Variants in RGS6 observed in about 807,000 individuals in gnomAD.
The protein encoded by RGS6 is regulator of G protein signaling 6.
In RGS6, 30 loss-of-function variants were observed where a neutral mutation model predicts 78.5. The ratio of observed to expected loss-of-function variants is 0.38; its 90% CI spans 0.29 to 0.52. RGS6 has a LOEUF of 0.52. Ranked by LOEUF, RGS6 falls within the 20% of genes least tolerant of loss-of-function variation. RGS6 has a pLI of 0.85. For synonymous variants in RGS6, 206 were observed against 206.0 expected (o/e 1.00, Z 0.00); for missense variants, 495 against 609.7 (o/e 0.81, Z 1.98).
chr14:72,220,814 G>A (rs1165862060), intron 2 of RGS6, among the ~76,000 whole-genome samples: 2 of 152,178 alleles, frequency 1.3e-5, no homozygotes, highest in Non-Finnish European at 2.9e-5. Flanking sequence ...CTCTGATTCT[G>A]TGACTTATTG....
rs950843533 is a variant in RGS6 at position 72,563,228 on chromosome 14, G to A, written c.*761G>A. On this transcript the variant is annotated 3_prime_UTR_variant, in exon 18 of 18. Transcript: ENST00000553525. ...ACAGAGCTTTTTGTTTCACAGCTGCGGGGATTCTGCTGACCATCTTTTAGA... is the reference window on the plus strand; with the variant it reads ...ACAGAGCTTTTTGTTTCACAGCTGCAGGGATTCTGCTGACCATCTTTTAGA... The A allele has an allele frequency of 6.7e-5, 11 of 165,190 alleles. No individual in the cohort carries two copies. Among genetic ancestry groups the A allele is most frequent in the East Asian group, 3.3e-4 (2 of 6,072 alleles). 10.2% of individuals were successfully genotyped at this position (165,190 alleles called of 1,614,324 possible).
intron 7 of RGS6, among the ~76,000 whole-genome samples, chr14:72,469,145 T>G (rs2096006429): frequency 2.0e-5 from 3 of 152,216 alleles, no homozygotes; most frequent in Admixed American, 6.5e-5. Context: ...CAATGACTTT[T>G]CTTTCTGTTT....
intron 2 of RGS6, among the ~76,000 whole-genome samples, chr14:72,177,502 T>G (rs1377623503): frequency 3.3e-5 from 5 of 152,134 alleles, no homozygotes; most frequent in African/African-American, 1.2e-4. Context: ...GAATAACTTT[T>G]TACTACATGT....
At chr14:72,400,274 T>TA (rs2092217505) in intron 3 of RGS6, among the ~76,000 whole-genome samples, 1 of 152,328 alleles carries the variant, frequency 6.6e-6, no homozygotes, top group East Asian at 1.9e-4. Flanking sequence ...ACTGATTTTT[T>TA]ACAGATGCCT....
intron 1 of RGS6, among the ~76,000 whole-genome samples, chr14:71,938,519 T>G (rs1324461943): frequency 2.0e-5 from 3 of 152,156 alleles, no homozygotes; most frequent in African/African-American, 7.2e-5. Context: ...GGCCCTAGTC[T>G]TCTCCTCCTC....
intron 2 of RGS6, among the ~76,000 whole-genome samples, chr14:72,083,133 C>T (rs1459298376): frequency 6.6e-6 from 1 of 152,260 alleles, no homozygotes; most frequent in East Asian, 1.9e-4. Flanking sequence ...GAAAACTTGC[C>T]TATAAGGTCT....
intron 3 of RGS6, among the ~76,000 whole-genome samples, chr14:72,426,703 T>G (rs1187264190): frequency 1.3e-5 from 2 of 152,226 alleles, no homozygotes; most frequent in Admixed American, 1.3e-4. Flanking sequence ...TTCCTAAAGT[T>G]TTATGATTTG....
intron 17 of RGS6, among the ~76,000 whole-genome samples, chr14:72,544,746 G>A (rs952766948): frequency 1.3e-5 from 2 of 152,128 alleles, no homozygotes; most frequent in African/African-American, 4.8e-5. Context: ...AGCCTCCCTC[G>A]CCCCCTCCTT....
At chr14:72,583,389 G>A in the RGS6 span, among the ~76,000 whole-genome samples, 29 of 152,326 alleles carry the variant, frequency 1.9e-4, no homozygotes, top group Middle Eastern at 3.4e-3. Context: ...GATGATAGAC[G>A]GATGACAGAT....
chr14:72,128,987 C>T (rs766953963), intron 2 of RGS6, among the ~76,000 whole-genome samples: 9 of 152,180 alleles, frequency 5.9e-5, no homozygotes, highest in Admixed American at 1.3e-4. Flanking sequence ...AATGTCACCT[C>T]TTCAGCAGTT....
intron 2 of RGS6, among the ~76,000 whole-genome samples, chr14:71,982,048 T>C (rs540252087): frequency 6.6e-6 from 1 of 152,246 alleles, no homozygotes; most frequent in African/African-American, 2.4e-5. Flanking sequence ...GACCCGATTT[T>C]CCAGGTGCCC....
intron 3 of RGS6, among the ~76,000 whole-genome samples, chr14:72,387,320 T>C (rs931193850): frequency 1.2e-4 from 18 of 152,066 alleles, no homozygotes; most frequent in East Asian, 9.7e-4. Context: ...GAGGCCAAGG[T>C]GGGCGGATCA....
the RGS6 span, among the ~76,000 whole-genome samples, chr14:72,591,713 G>T: frequency 6.6e-6 from 1 of 152,194 alleles, no homozygotes; most frequent in East Asian, 1.9e-4. Flanking sequence ...GAGGATGCAG[G>T]TACTCTCACC....
chr14:72,260,230 C>G (rs1418111874), intron 2 of RGS6, among the ~76,000 whole-genome samples: 1 of 152,100 alleles, frequency 6.6e-6, no homozygotes, highest in Non-Finnish European at 1.5e-5. Context: ...TTATTTTTGT[C>G]AAGGTCCACT....
chr14:72,417,626 G>A (rs562349367), intron 3 of RGS6, among the ~76,000 whole-genome samples: 11 of 152,306 alleles, frequency 7.2e-5, no homozygotes, highest in Middle Eastern at 3.4e-3. Context: ...TCTGGGTTCC[G>A]CACTCATTAG....
chr14:72,515,699 A>C (rs2096933427), intron 14 of RGS6: 1 of 152,248 alleles, frequency 6.6e-6, no homozygotes, highest in Non-Finnish European at 1.5e-5. Flanking sequence ...TATTTCCATC[A>C]GCTCCGGTCA....
At chr14:72,040,806 C>T (rs1452035435) in intron 2 of RGS6, among the ~76,000 whole-genome samples, 1 of 152,108 alleles carries the variant, frequency 6.6e-6, no homozygotes, top group African/African-American at 2.4e-5. Context: ...AATGACCTAT[C>T]TTCAAATTCA....
At chr14:72,002,780 A>T (rs969661856) in intron 2 of RGS6, among the ~76,000 whole-genome samples, 2 of 152,170 alleles carry the variant, frequency 1.3e-5, no homozygotes, top group African/African-American at 4.8e-5. Context: ...CCTTTGGTGC[A>T]TGCTTGTTTT....
intron 2 of RGS6, among the ~76,000 whole-genome samples, chr14:72,205,083 T>G (rs2042408956): frequency 1.3e-5 from 2 of 152,188 alleles, no homozygotes. Context: ...ATACAAAATA[T>G]GATTCCTACA....
Sources: gnomAD v4.1 joint callset for allele counts (sites outside exome capture counted in the v4.1 genomes callset) on GRCh38, gnomAD v4.1.1 for gene constraint, MANE v1.5 for transcripts, NCBI Gene and HGNC (gene_info 2026-07-23, HGNC 2026-07-21) for gene names.